Variants in NKD1 observed in about 807,000 individuals in gnomAD.
NKD1 encodes NKD inhibitor of Wnt signaling pathway 1.
NKD1 carries 21 observed loss-of-function variants against 56.0 expected under a neutral mutation model. That is an observed-to-expected ratio of 0.38 (90% CI 0.27 to 0.54). NKD1 has a LOEUF of 0.54. Ranked by LOEUF, NKD1 falls within the 20% of genes least tolerant of loss-of-function variation. NKD1 has a pLI of 0.82. For missense variants in NKD1, 578 were observed against 642.7 expected, an observed-to-expected ratio of 0.90 and a Z score of 1.09; for synonymous variants, 263 against 265.7, an observed-to-expected ratio of 0.99 and a Z score of 0.10.
intron 3 of NKD1, chr16:50,556,783 A>C (rs1465066814): frequency 7.1e-6 from 1 of 141,218 alleles, no homozygotes; most frequent in Non-Finnish European, 1.5e-5. Flanking sequence ...TGTGTTGCCC[A>C]GGCTGGCCTT....
chr16:50,625,784 G>C (rs1962197718), intron 6 of NKD1, among the ~76,000 whole-genome samples: 1 of 152,258 alleles, frequency 6.6e-6, no homozygotes, highest in African/African-American at 2.4e-5. Context: ...AGAAGACAGG[G>C]AGGGAAGGCA....
At chr16:50,560,933 T>C (rs2151263807) in intron 3 of NKD1, among the ~76,000 whole-genome samples, 1 of 152,254 alleles carries the variant, frequency 6.6e-6, no homozygotes, top group African/African-American at 2.4e-5. Context: ...AAAACGCTGG[T>C]GTGGGTCACT....
intron 4 of NKD1, among the ~76,000 whole-genome samples, chr16:50,610,481 G>C (rs1486108733): frequency 6.6e-6 from 1 of 152,200 alleles, no homozygotes; most frequent in Non-Finnish European, 1.5e-5. Context: ...GGTCTGGTGA[G>C]AGCAGGTGCT....
intron 4 of NKD1, among the ~76,000 whole-genome samples, chr16:50,614,108 C>T (rs954353504): frequency 5.9e-5 from 9 of 152,060 alleles, no homozygotes; most frequent in Non-Finnish European, 7.4e-5. Context: ...GGCAGACACC[C>T]ACAGGTGAAA....
rs1243033665 is a variant in NKD1, at chr16:50,598,944, G to A, written c.193-9350G>A. On this transcript the variant is annotated intron_variant, in intron 3 of 9. Transcript: ENST00000268459. This position sits in a 1 kb window ranked among gnomAD's most constrained non-coding sequence, Gnocchi z 4.2. The stretch of plus-strand genomic sequence containing the variant: ...GTGGTGGGGCAGGATCAGTGGTGTG[G>A]TGGGGTCAGTGGTGTGGTGGGCAGT... Among the ~76,000 whole-genome samples the A allele has an allele frequency of 1.3e-5, 2 of 151,750 alleles. No individual in the cohort carries two copies. The highest frequency in any genetic ancestry group is 2.9e-5 in the Non-Finnish European group (2 of 67,920).
At chr16:50,556,902 G>A (rs191292633) in intron 3 of NKD1, 2 of 152,018 alleles carry the variant, frequency 1.3e-5, no homozygotes, top group East Asian at 3.9e-4. Flanking sequence ...TTTTATTTTA[G>A]GTTCAAGGTA....
Position 50,641,495 on chromosome 16 carries a change from G to T in NKD1, c.*7714G>T, listed in dbSNP as rs1567359523. The T allele has an allele frequency of 6.6e-6, 1 of 152,206 alleles. No homozygotes were observed. The highest frequency in any genetic ancestry group is 1.5e-5 in the Non-Finnish European group (1 of 68,036). The allele number at this position is 152,206 out of a possible 1,614,324, so 9.4% of individuals were successfully genotyped here. On this transcript the variant is annotated 3_prime_UTR_variant, in exon 10 of 10. Transcript: ENST00000268459. ...TCTGAGGGTTTCACCTAAAAACCTGGATGTTTGGCTTTTCTCATAAAAATC... is the reference window on the plus strand; with the variant it reads ...TCTGAGGGTTTCACCTAAAAACCTGTATGTTTGGCTTTTCTCATAAAAATC...
chr16:50,608,390 C>T (rs1293173276), intron 4 of NKD1, 30 bp downstream of exon 4: 2 of 1,543,156 alleles, frequency 1.3e-6, no homozygotes, highest in East Asian at 4.5e-5. Flanking sequence ...CTCTTCCCAG[C>T]AGCAGCGAGT....
chr16:50,573,434 T>C lies in NKD1; in HGVS notation c.192+23879T>C, dbSNP rs75901706. On this transcript the variant is annotated intron_variant, in intron 3 of 9. Coordinates refer to ENST00000268459, the MANE Select transcript of NKD1 (RefSeq NM_033119.5). ...GCCCTTTGGAGCTTCTGGGCTCTTC[T>C]TCATCCCCTTGACCTGCCCTGCAGT... Among the ~76,000 whole-genome samples, 1,126 of 152,350 alleles carry C rather than the reference T, an allele frequency of 7.4e-3. 22 individuals are homozygous for C. The highest frequency in any genetic ancestry group is 0.026 in the African/African-American group (1,073 of 41,584).
intron 3 of NKD1, among the ~76,000 whole-genome samples, chr16:50,560,859 T>TATCTATCTA: frequency 1.3e-5 from 2 of 152,114 alleles, no homozygotes; most frequent in South Asian, 4.1e-4. Flanking sequence ...TCTATCTATC[T>TATCTATCTA]ATCTACAGCA....
rs184575226 is a variant in NKD1, at chr16:50,609,105, G to A, written c.259+745G>A. 1.2e-3 allele frequency among the ~76,000 whole-genome samples: 189 copies of A among 152,356 alleles called. 2 individuals carry two copies. Among genetic ancestry groups the A allele is most frequent in the East Asian group, 9.1e-3 (47 of 5,188 alleles). On this transcript the variant is annotated intron_variant, in intron 4 of 9. Coordinates refer to ENST00000268459, the MANE Select transcript of NKD1 (RefSeq NM_033119.5). ...CTCCCAAAGTGCTGGGGTTACAGGCGTGAGCCACTGCACCTGGCCACTGCT... is the reference window on the plus strand; with the variant it reads ...CTCCCAAAGTGCTGGGGTTACAGGCATGAGCCACTGCACCTGGCCACTGCT...
chr16:50,549,197 T>TTAG (rs1419108415), intron 2 of NKD1, among the ~76,000 whole-genome samples: 1 of 151,472 alleles, frequency 6.6e-6, no homozygotes, highest in African/African-American at 2.4e-5. Context: ...CCTGGGGTAC[T>TTAG]GCTCACCCCT....
intron 3 of NKD1, among the ~76,000 whole-genome samples, chr16:50,580,530 G>C (rs1456409800): frequency 1.3e-5 from 2 of 152,250 alleles, no homozygotes; most frequent in African/African-American, 4.8e-5. Flanking sequence ...GGCCAGAGAA[G>C]CTTGGGAAAC....
intron 3 of NKD1, among the ~76,000 whole-genome samples, chr16:50,585,126 C>T (rs1246265899): frequency 6.6e-6 from 1 of 152,164 alleles, no homozygotes; most frequent in African/African-American, 2.4e-5. Flanking sequence ...CATGGGATTT[C>T]CTTCCAGTCC....
At position 50,637,311 on chromosome 16, in the gene NKD1, A is replaced by C. The variant is rs990993231; in HGVS notation, c.*3530A>C. On this transcript the variant is annotated 3_prime_UTR_variant, in exon 10 of 10. Coordinates refer to ENST00000268459, the MANE Select transcript of NKD1 (RefSeq NM_033119.5). ...GCCGGGCACGGTGGCTCACGCCTGT[A>C]ATCTCAACACTTTGGGAGACCGAGG... 1.3e-5 allele frequency: 2 copies of C among 152,256 alleles called. No homozygotes were observed. Among genetic ancestry groups the C allele is most frequent in the Admixed American group, 6.5e-5 (1 of 15,274 alleles). The allele number at this position is 152,256 out of a possible 1,614,324, so 9.4% of individuals were successfully genotyped here.
intron 3 of NKD1, among the ~76,000 whole-genome samples, chr16:50,554,729 C>G (rs1960463748): frequency 6.6e-6 from 1 of 152,164 alleles, no homozygotes; most frequent in South Asian, 2.1e-4. Flanking sequence ...AGTGATCCTC[C>G]TGCCTCAGCC....
At position 50,607,007 on chromosome 16, in the gene NKD1, A is replaced by G. The variant is rs187318166; in HGVS notation, c.193-1287A>G. 10 of 457,066 alleles carry G rather than the reference A, an allele frequency of 2.2e-5. No homozygotes were observed. The East Asian group carries it at 4.2e-4, about 19-fold the overall frequency. 28.3% of individuals were successfully genotyped at this position (457,066 alleles called of 1,614,324 possible). A position where few individuals can be genotyped will look rare whatever the true frequency, so the allele number is the denominator to read the frequency against. On this transcript the variant is annotated intron_variant, in intron 3 of 9. Transcript: ENST00000268459. Reference sequence around the variant, plus strand: ...AACAGCCAGTTTACAAGCCCAGGATATGTTCGATGATTATAATAATTGGTG... The same window carrying G: ...AACAGCCAGTTTACAAGCCCAGGATGTGTTCGATGATTATAATAATTGGTG...
chr16:50,630,847 G>C lies in NKD1; in HGVS notation c.632G>C (p.Arg211Pro). The C allele has an allele frequency of 1.2e-6, 2 of 1,605,960 alleles. No individual in the cohort carries two copies. Among genetic ancestry groups the C allele is most frequent in the Non-Finnish European group, 1.7e-6 (2 of 1,176,800 alleles). Residue 211 changes from arginine (R) to proline (P), a missense_variant, in exon 8 of 10, where the codon CGA becomes CCA. Coordinates refer to ENST00000268459, the MANE Select transcript of NKD1 (RefSeq NM_033119.5). The part of the protein sequence containing the change: ...NQADLQSARP[R>P]AETKPTEDLR... ...TCAGACCTGCAGAGCGCAAGGCCCC[G>C]AGCAGAGACCAAGCCCACTGAGGAC...
chr16:50,555,592 C>T (rs1191318193), intron 3 of NKD1: 1 of 152,482 alleles, frequency 6.6e-6, no homozygotes, highest in Non-Finnish European at 1.5e-5. Context: ...TCTTCAGGGA[C>T]CAGGGAACAA....
Sources: gnomAD v4.1 joint callset for allele counts (sites outside exome capture counted in the v4.1 genomes callset) on GRCh38, gnomAD v4.1.1 for gene constraint, Gnocchi (gnomAD v3.1) non-coding constraint, MANE v1.5 for transcripts, NCBI Gene and HGNC (gene_info 2026-07-23, HGNC 2026-07-21) for gene names.